Variants in MAP2K5 observed in about 807,000 individuals in gnomAD.
The protein encoded by MAP2K5 is mitogen-activated protein kinase kinase 5, also known as dual specificity mitogen-activated protein kinase kinase 5.
A neutral mutation model predicts 83.1 loss-of-function variants in MAP2K5; 49 were observed. The observed-to-expected ratio is 0.59, with a 90% CI of 0.47 to 0.75. MAP2K5 has a LOEUF of 0.75. Ranked by LOEUF, MAP2K5 falls within the 30% of genes least tolerant of loss-of-function variation. The pLI is 0.00. For missense variants in MAP2K5, 457 were observed against 557.5 expected, an observed-to-expected ratio of 0.82 and a Z score of 1.82; for synonymous variants, 202 against 191.8, an observed-to-expected ratio of 1.05 and a Z score of -0.44.
intron 3 of MAP2K5, among the ~76,000 whole-genome samples, chr15:67,567,099 A>G (rs1329705535): frequency 6.6e-6 from 1 of 152,396 alleles, no homozygotes; most frequent in Admixed American, 6.5e-5. Context: ...AAACAAAGCT[A>G]TAATAAATTG....
chr15:67,738,121 G>A lies in MAP2K5; in HGVS notation c.1075-10110G>A, dbSNP rs948073871. Among the ~76,000 whole-genome samples the A allele has an allele frequency of 6.6e-6, 1 of 152,092 alleles. No individual in the cohort carries two copies. The highest frequency in any genetic ancestry group is 1.5e-5 in the Non-Finnish European group (1 of 68,020). ...CCTGCCTCAGCCTCCCAGAGTACTGGGATTACAGGCGTGAGCCACTGCACT... is the reference window on the plus strand; with the variant it reads ...CCTGCCTCAGCCTCCCAGAGTACTGAGATTACAGGCGTGAGCCACTGCACT... On this transcript the variant is annotated intron_variant, in intron 17 of 21. Coordinates refer to ENST00000178640, the MANE Select transcript of MAP2K5 (RefSeq NM_145160.3). This position sits in a 1 kb window ranked among gnomAD's most constrained non-coding sequence, Gnocchi z 4.1.
At chr15:67,728,186 C>A (rs1035508533) in intron 17 of MAP2K5, among the ~76,000 whole-genome samples, 1 of 151,822 alleles carries the variant, frequency 6.6e-6, no homozygotes, top group African/African-American at 2.4e-5. Flanking sequence ...GTGTGACATT[C>A]GGGATTGTTT....
intron 13 of MAP2K5, among the ~76,000 whole-genome samples, chr15:67,674,174 A>C (rs1300779333): frequency 6.6e-6 from 1 of 152,152 alleles, no homozygotes; most frequent in Non-Finnish European, 1.5e-5. Flanking sequence ...AGAACTGGTT[A>C]GTGCTTGAGT....
chr15:67,773,884 GGA>G (rs2090187914), intron 21 of MAP2K5, among the ~76,000 whole-genome samples: 3 of 152,172 alleles, frequency 2.0e-5, no homozygotes, highest in Admixed American at 2.0e-4. Flanking sequence ...TTCTAGAGAT[GGA>G]GACCCATTTA....
At chr15:67,672,627 T>C (rs1340599961) in intron 13 of MAP2K5, among the ~76,000 whole-genome samples, 1 of 150,674 alleles carries the variant, frequency 6.6e-6, no homozygotes, top group African/African-American at 2.4e-5. Flanking sequence ...TTCACTCTGA[T>C]GGTAGTTTCT....
intron 9 of MAP2K5, among the ~76,000 whole-genome samples, chr15:67,645,923 G>A (rs115634824): frequency 6.2e-4 from 94 of 152,184 alleles, no homozygotes; most frequent in African/African-American, 2.2e-3. Flanking sequence ...AGCCAATGTG[G>A]CTAAAATAGA....
intron 16 of MAP2K5, among the ~76,000 whole-genome samples, chr15:67,725,384 G>C (rs1385559366): frequency 1.3e-5 from 2 of 152,204 alleles, no homozygotes; most frequent in Admixed American, 6.5e-5. Flanking sequence ...ATTTTTTGCT[G>C]TATCTCACTC....
At position 67,549,050 on chromosome 15, in the gene MAP2K5, TGCTGAGAAATACTGCGAGCG is replaced by T; in HGVS notation, c.136-980_136-961del. ...CTGCTTGGAAAGGCTGTGGGCTCCC[TGCTGAGAAATACTGCGAGCG>T]GCTTTGTCAGCCGGCTGCCTGGTGC... On this transcript the variant is annotated intron_variant, in intron 1 of 21. Coordinates refer to ENST00000178640, the MANE Select transcript of MAP2K5 (RefSeq NM_145160.3). 4 of 1,506,000 alleles carry T rather than the reference TGCTGAGAAATACTGCGAGCG, an allele frequency of 2.7e-6. 1 individual carries two copies. Among genetic ancestry groups the T allele is most frequent in the Non-Finnish European group, 8.8e-7 (1 of 1,133,118 alleles). The allele number at this position is 1,506,000 out of a possible 1,614,324, so 93.3% of individuals were successfully genotyped here. A position where few individuals can be genotyped will look rare whatever the true frequency, so the allele number is the denominator to read the frequency against.
intron 8 of MAP2K5, among the ~76,000 whole-genome samples, chr15:67,626,402 C>T (rs763936162): frequency 2.0e-5 from 3 of 152,080 alleles, no homozygotes; most frequent in Non-Finnish European, 4.4e-5. Flanking sequence ...TGGTGGGCTC[C>T]TGTAATCCCA....
chr15:67,559,620 T>C lies in MAP2K5; in HGVS notation c.185-3663T>C, dbSNP rs2084695545. On this transcript the variant is annotated intron_variant, in intron 2 of 21. Coordinates refer to ENST00000178640, the MANE Select transcript of MAP2K5 (RefSeq NM_145160.3). This position sits in a 1 kb window ranked among gnomAD's most constrained non-coding sequence, Gnocchi z 4.7. ...ACCATCTGCTGCACTCTATTTGGTA[T>C]CTTGCTAGGATTTTTTCCTCCATTT... Among the ~76,000 whole-genome samples the C allele has an allele frequency of 1.3e-5, 2 of 152,346 alleles. No homozygotes were observed. Among genetic ancestry groups the C allele is most frequent in the African/African-American group, 4.8e-5 (2 of 41,576 alleles).
intron 13 of MAP2K5, among the ~76,000 whole-genome samples, chr15:67,674,936 A>G (rs528132184): frequency 6.6e-6 from 1 of 152,312 alleles, no homozygotes; most frequent in East Asian, 1.9e-4. Flanking sequence ...TGGCTAAAAT[A>G]AAAAATAGTA....
intron 2 of MAP2K5, 22 bp downstream of exon 2, chr15:67,550,104 T>G (rs745898842): frequency 6.2e-7 from 1 of 1,607,072 alleles, no homozygotes; most frequent in African/African-American, 1.3e-5. Context: ...TTGTATACTT[T>G]CTTGACTATT....
At position 67,637,166 on chromosome 15, in the gene MAP2K5, A is replaced by G. The variant is rs1402373426; in HGVS notation, c.585+6239A>G. ...CTACTTTTGAGGTTTTCAGACTTGG[A>G]CTGGCTTCCTTGCTCCTCAGCTTGC... On this transcript the variant is annotated intron_variant, in intron 9 of 21. Coordinates refer to ENST00000178640, the MANE Select transcript of MAP2K5 (RefSeq NM_145160.3). This position sits in a 1 kb window ranked among gnomAD's most constrained non-coding sequence, Gnocchi z 4.5. Among the ~76,000 whole-genome samples, 1 of 152,206 alleles carries G rather than the reference A, an allele frequency of 6.6e-6. No individual in the cohort carries two copies. Among genetic ancestry groups the G allele is most frequent in the East Asian group, 1.9e-4 (1 of 5,168 alleles).
intron 11 of MAP2K5, among the ~76,000 whole-genome samples, chr15:67,648,648 CTGCAACCTCCA>C (rs2086886137): frequency 1.8e-3 from 1 of 566 alleles, no homozygotes; most frequent in South Asian, 0.1. Context: ...TCTCGGCTCA[CTGCAACCTCCA>C]CTGCAACCTC....
At chr15:67,678,825 A>G (rs1246140734) in intron 13 of MAP2K5, among the ~76,000 whole-genome samples, 1 of 152,032 alleles carries the variant, frequency 6.6e-6, no homozygotes, top group East Asian at 1.9e-4. Flanking sequence ...TTAGCGGGGC[A>G]TGGTGGTGAG....
rs763375612 is a variant in MAP2K5, at chr15:67,774,879, A to G, written c.1242+2127A>G. On this transcript the variant is annotated intron_variant, in intron 21 of 21. Transcript: ENST00000178640. This position sits in a 1 kb window ranked among gnomAD's most constrained non-coding sequence, Gnocchi z 4.9. ...AAATGTGAGGCCTGCAGGATTGTCA[A>G]GGTTTCCCTGTAGGCCTCCATTTCC... is the stretch of plus-strand genomic sequence containing the variant. Among the ~76,000 whole-genome samples, 2 of 152,260 alleles carry G rather than the reference A, an allele frequency of 1.3e-5. No homozygotes were observed. The highest frequency in any genetic ancestry group is 2.4e-5 in the African/African-American group (1 of 41,478).
At chr15:67,686,402 T>C (rs530025848) in intron 13 of MAP2K5, among the ~76,000 whole-genome samples, 1 of 151,576 alleles carries the variant, frequency 6.6e-6, no homozygotes, top group Non-Finnish European at 1.5e-5. Flanking sequence ...AGTTCAGGAG[T>C]TCGAGACCAG....
Position 67,770,178 on chromosome 15 carries a change from G to T in MAP2K5, c.1196+515G>T, listed in dbSNP as rs980521956. ...TGACATTTGGAAGACTATGAAAACA[G>T]TTCAGCCCACTTTAACCCTTAAAGA... On this transcript the variant is annotated intron_variant, in intron 20 of 21. Transcript: ENST00000178640. The surrounding 1 kb of genome is among the most constrained non-coding windows in gnomAD (Gnocchi z 5.0). Among the ~76,000 whole-genome samples the T allele has an allele frequency of 2.6e-5, 4 of 152,170 alleles. No individual in the cohort carries two copies. Among genetic ancestry groups the T allele is most frequent in the African/African-American group, 9.7e-5 (4 of 41,428 alleles).
At chr15:67,589,440 A>C (rs1189603892) in intron 6 of MAP2K5, among the ~76,000 whole-genome samples, 1 of 152,208 alleles carries the variant, frequency 6.6e-6, no homozygotes, top group African/African-American at 2.4e-5. Context: ...TACTGAATTC[A>C]AGTCCCATTG....
Sources: allele counts gnomAD v4.1 joint callset (sites outside exome capture counted in the v4.1 genomes callset), GRCh38; gene constraint gnomAD v4.1.1; non-coding constraint Gnocchi (gnomAD v3.1); transcripts MANE v1.5; gene names NCBI Gene and HGNC (gene_info 2026-07-23, HGNC 2026-07-21).